The following POP4 variants were observed in gnomAD, a reference collection of about 807,000 sequenced individuals.
The protein encoded by POP4 is ribonuclease P protein subunit p29.
In POP4, 31 loss-of-function variants were observed where a neutral mutation model predicts 29.9. That is an observed-to-expected ratio of 1.04 (90% CI 0.78 to 1.40). The LOEUF is 1.40. Among genes scored for constraint, POP4 ranks in the 40% most tolerant of loss-of-function variants. The pLI, the probability that POP4 is intolerant of heterozygous loss-of-function variation, is 0.00. For synonymous variants in POP4, 110 were observed against 108.2 expected (o/e 1.02, Z -0.10); for missense variants, 286 against 282.7 (o/e 1.01, Z -0.08).
intron 2 of POP4, among the ~76,000 whole-genome samples, chr19:29,609,544 C>T (rs1389852386): frequency 6.6e-6 from 1 of 152,216 alleles, no homozygotes; most frequent in Non-Finnish European, 1.5e-5. Context: ...CTGTGGCAGG[C>T]ATGAGGGCAG....
At chr19:29,612,210 C>T (rs1446279733) in intron 5 of POP4, 32 bp downstream of exon 5, 5 of 1,569,870 alleles carry the variant, frequency 3.2e-6, no homozygotes, top group Non-Finnish European at 4.3e-6. Flanking sequence ...AGCACATGGC[C>T]ATCCAGAGGT....
Position 29,615,259 on chromosome 19 carries a change from A to G in POP4, c.542A>G (p.Asn181Ser). 1 of 1,589,386 alleles carries G rather than the reference A, an allele frequency of 6.3e-7. No individual in the cohort carries two copies. Among genetic ancestry groups the G allele is most frequent in the Non-Finnish European group, 8.6e-7 (1 of 1,168,608 alleles). Reference protein sequence around the residue: ...EDRLKVIPKLNCVFTVETDGF... With the variant: ...EDRLKVIPKLSCVFTVETDGF... ...TTTTTTTCAGTTATCCCCAAGCTAA[A>G]CTGCGTGTTCACTGTGGAAACCGAT... Residue 181 changes from asparagine (N) to serine (S), a missense_variant, in exon 7 of 7, where the codon AAC becomes AGC. Physicochemically the swap from Asn to Ser is conservative, Grantham distance 46. Coordinates refer to ENST00000585603, the MANE Select transcript of POP4 (RefSeq NM_006627.3).
At chr19:29,613,026 C>G (rs572637475) in intron 5 of POP4, among the ~76,000 whole-genome samples, 1 of 152,350 alleles carries the variant, frequency 6.6e-6, no homozygotes, top group African/African-American at 2.4e-5. Context: ...CCCACACTGC[C>G]TTCCTCCTGC....
chr19:29,616,316 C>A lies in POP4; in HGVS notation c.*936C>A. ...TGCAGGGCCAGAGGAAAAGCGGGCC[C>A]AGGGCTGCAGTGAGAGCGGGGCAGG... On this transcript the variant is annotated 3_prime_UTR_variant, in exon 7 of 7. Transcript: ENST00000585603. 6.6e-6 allele frequency: 1 copy of A among 152,588 alleles called. No homozygotes were observed. The highest frequency in any genetic ancestry group is 1.5e-5 in the Non-Finnish European group (1 of 68,258). 9.5% of individuals were successfully genotyped at this position (152,588 alleles called of 1,614,324 possible).
intron 1 of POP4, chr19:29,606,625 T>G: frequency 1.2e-5 from 4 of 332,116 alleles, no homozygotes; most frequent in East Asian, 5.0e-5. Context: ...TCTCCCGGGG[T>G]GACCGCGGTC....
At chr19:29,614,173 T>C (rs1279100604) in intron 6 of POP4, among the ~76,000 whole-genome samples, 1 of 152,198 alleles carries the variant, frequency 6.6e-6, no homozygotes, top group Non-Finnish European at 1.5e-5. Context: ...CAGTGCAGCC[T>C]GCAACCCCGG....
rs140893351 is a variant in POP4 at position 29,608,690 on chromosome 19, C to A, written c.41C>A (p.Ala14Glu). ...TACCATGCATTGTCTCAGAAAGAGGCGAATGACTCCGATGTCCAGGTCAGT... is the reference window on the plus strand; with the variant it reads ...TACCATGCATTGTCTCAGAAAGAGGAGAATGACTCCGATGTCCAGGTCAGT... ...VIYHALSQKE[A>E]NDSDVQPSGA... Residue 14 changes from alanine (A) to glutamate (E), a missense_variant, in exon 2 of 7, where the codon GCG (alanine) becomes GAG (glutamate). Ala to Glu is a moderately radical substitution (Grantham distance 107). Transcript: ENST00000585603. The A allele has an allele frequency of 1.2e-6, 2 of 1,613,824 alleles. No individual in the cohort carries two copies. Among genetic ancestry groups the A allele is most frequent in the African/African-American group, 1.3e-5 (1 of 74,968 alleles).
rs767996983 is a variant in POP4, at chr19:29,613,954, AAAG to A, written c.513_515del (p.Glu171del). On this transcript the variant is annotated inframe_deletion, in exon 6 of 7. Coordinates refer to ENST00000585603, the MANE Select transcript of POP4 (RefSeq NM_006627.3). ...AAAGCACATTTTCAAAATTATCACC[AAAG>A]AAGACCGCCTGAAAGGTATGTAGGT... 3 of 1,613,630 alleles carry A rather than the reference AAAG, an allele frequency of 1.9e-6. No homozygotes were observed. The highest frequency in any genetic ancestry group is 2.5e-6 in the Non-Finnish European group (3 of 1,179,898).
At position 29,616,291 on chromosome 19, in the gene POP4, T is replaced by C. The variant is rs1423275803; in HGVS notation, c.*911T>C. 6.6e-6 allele frequency: 1 copy of C among 152,246 alleles called. No individual in the cohort carries two copies. The highest frequency in any genetic ancestry group is 1.5e-5 in the Non-Finnish European group (1 of 68,114). 9.4% of individuals were successfully genotyped at this position (152,246 alleles called of 1,614,324 possible). On this transcript the variant is annotated 3_prime_UTR_variant, in exon 7 of 7. Coordinates refer to ENST00000585603, the MANE Select transcript of POP4 (RefSeq NM_006627.3). ...AAAGCCAGTGGGTCAGGCCCTTCCATGCAGGGCCAGAGGAAAAGCGGGCCC... is the reference window on the plus strand; with the variant it reads ...AAAGCCAGTGGGTCAGGCCCTTCCACGCAGGGCCAGAGGAAAAGCGGGCCC...
In POP4 at chr19:29,610,460, A is replaced by G; in HGVS notation, c.112A>G (p.Ser38Gly). ...EAFVRAFLKR[S>G]TPRMSPQARE... ...CTTCGTGAGGGCCTTCCTGAAGCGC[A>G]GCACGCCCCGCATGAGCCCGCAGGC... is the stretch of plus-strand genomic sequence containing the variant. Residue 38 changes from serine to glycine, a missense_variant, in exon 3 of 7, where the codon AGC (serine) becomes GGC (glycine). Physicochemically the swap from Ser to Gly is moderately conservative, Grantham distance 56. Coordinates refer to ENST00000585603, the MANE Select transcript of POP4 (RefSeq NM_006627.3). 2 of 1,598,140 alleles carry G rather than the reference A, an allele frequency of 1.3e-6. No individual in the cohort carries two copies. The highest frequency in any genetic ancestry group is 1.7e-6 in the Non-Finnish European group (2 of 1,172,544).
chr19:29,606,356 G>A (rs1187518734), intron 1 of POP4, 31 bp downstream of exon 1: 3 of 1,601,558 alleles, frequency 1.9e-6, no homozygotes, highest in South Asian at 1.1e-5. Context: ...GGAGAGGGTT[G>A]GGGACGTTAA....
In POP4 at chr19:29,617,168, C is replaced by T. The variant is rs1288759171; in HGVS notation, c.*1788C>T. 1 of 152,250 alleles carries T rather than the reference C, an allele frequency of 6.6e-6. No homozygotes were observed. Among genetic ancestry groups the T allele is most frequent in the Non-Finnish European group, 1.5e-5 (1 of 68,048 alleles). The allele number at this position is 152,250 out of a possible 1,614,324, so 9.4% of individuals were successfully genotyped here. ...GTGCTGTAGCTTCCTAGCCATCCCGCTCTTACCCGCCCCTCTGCAATGTAA... is the reference window on the plus strand; with the variant it reads ...GTGCTGTAGCTTCCTAGCCATCCCGTTCTTACCCGCCCCTCTGCAATGTAA... On this transcript the variant is annotated 3_prime_UTR_variant, in exon 7 of 7. Transcript: ENST00000585603.
Position 29,613,861 on chromosome 19 carries a change from T to A in POP4, c.425-10T>A. The A allele has an allele frequency of 6.2e-7, 1 of 1,610,882 alleles. No individual in the cohort carries two copies. Among genetic ancestry groups the A allele is most frequent in the Non-Finnish European group, 8.5e-7 (1 of 1,178,514 alleles). ...AGGCCTGAGCCTGGAACTGTCCTTTTTCTTTGCAGTGACAAAATCCAAATG... is the reference window on the plus strand; with the variant it reads ...AGGCCTGAGCCTGGAACTGTCCTTTATCTTTGCAGTGACAAAATCCAAATG... On this transcript the variant is annotated splice_polypyrimidine_tract_variant and intron_variant, in intron 5 of 6. Transcript: ENST00000585603.
chr19:29,614,596 C>T (rs958637992), intron 6 of POP4, among the ~76,000 whole-genome samples: 3 of 151,570 alleles, frequency 2.0e-5, no homozygotes, highest in Admixed American at 6.6e-5. Context: ...CCTCCACTCC[C>T]GGATTCAAGG....
intron 1 of POP4, 148 bp downstream of exon 1, chr19:29,606,473 T>G (rs980449199): frequency 2.2e-6 from 2 of 926,852 alleles, no homozygotes; most frequent in Non-Finnish European, 3.1e-6. Flanking sequence ...TAAGAAAAAC[T>G]GAGGGCTGGA....
chr19:29,612,053 C>T, intron 4 of POP4, 64 bp from the exon 5 acceptor site: 2 of 1,587,298 alleles, frequency 1.3e-6, no homozygotes, highest in South Asian at 2.3e-5. Flanking sequence ...CGGTTAAAGA[C>T]CTAGTTGCTT....
At chr19:29,610,957 T>C (rs1019815796) in intron 3 of POP4, 7 of 303,944 alleles carry the variant, frequency 2.3e-5, no homozygotes, top group African/African-American at 1.5e-4. Flanking sequence ...GTGTATTACT[T>C]TGTAGCTTTT....
rs1289606671 is a variant in POP4 at position 29,614,955 on chromosome 19, A to T, written c.527-289A>T. 2.6e-5 allele frequency among the ~76,000 whole-genome samples: 4 copies of T among 152,288 alleles called. No individual in the cohort carries two copies. In the East Asian group the frequency reaches 7.7e-4, roughly 29 times the overall value. The stretch of plus-strand genomic sequence containing the variant: ...AGCCCATCTGAAAGTTAATGTGGGA[A>T]AACCAGTTTCTGGCAGGTGTTCTGG... On this transcript the variant is annotated intron_variant, in intron 6 of 6. Transcript: ENST00000585603.
At chr19:29,613,751 G>A in intron 5 of POP4, 120 bp from the exon 6 acceptor site, 11 of 1,467,032 alleles carry the variant, frequency 7.5e-6, no homozygotes, top group Non-Finnish European at 9.0e-6. Flanking sequence ...TGGGTGCTCT[G>A]TTCTTTCATC....
Sources: gnomAD v4.1 joint callset for allele counts (sites outside exome capture counted in the v4.1 genomes callset) on GRCh38, gnomAD v4.1.1 for gene constraint, MANE v1.5 for transcripts, NCBI Gene and HGNC (gene_info 2026-07-23, HGNC 2026-07-21) for gene names.